TMEM196: variants seen among roughly 807,000 people sequenced by gnomAD.
The protein encoded by TMEM196 is transmembrane protein 196.
Under a neutral mutation model 20.0 loss-of-function variants are expected in TMEM196, and 17 were observed. The ratio of observed to expected loss-of-function variants is 0.85; its 90% CI spans 0.58 to 1.27. TMEM196 has a LOEUF of 1.27. TMEM196 is among the 50% of genes most tolerant of loss of function. The pLI is 0.00. For synonymous variants in TMEM196, 113 were observed against 88.9 expected (o/e 1.27, Z -1.52); for missense variants, 267 against 223.0 (o/e 1.20, Z -1.26).
intron 1 of TMEM196, among the ~76,000 whole-genome samples, chr7:19,738,893 T>A (rs532903783): frequency 2.0e-4 from 30 of 152,114 alleles, no homozygotes; most frequent in Non-Finnish European, 3.5e-4. Context: ...ACTATCTAAG[T>A]GTGAGCCACA....
At chr7:19,764,149 A>AAATTT (rs1248728065) in intron 1 of TMEM196, among the ~76,000 whole-genome samples, 1 of 152,224 alleles carries the variant, frequency 6.6e-6, no homozygotes, top group East Asian at 1.9e-4. Flanking sequence ...TTGTGATGGT[A>AAATTT]AATTTAATTT....
chr7:19,722,055 TC>T lies in TMEM196; in HGVS notation c.*72del. The T allele has an allele frequency of 6.2e-7, 1 of 1,603,180 alleles. No individual in the cohort carries two copies. Among genetic ancestry groups the T allele is most frequent in the Non-Finnish European group, 8.5e-7 (1 of 1,173,194 alleles). On this transcript the variant is annotated 3_prime_UTR_variant, in exon 5 of 5. Transcript: ENST00000405844. Reference sequence around the variant, plus strand: ...GCCTCATGAAAATCCTAAAAAGTGTTCAATTCTTTAAAACATTGATTACACT... The same window carrying T: ...GCCTCATGAAAATCCTAAAAAGTGTTAATTCTTTAAAACATTGATTACACT...
chr7:19,736,066 C>G (rs1784389458), intron 1 of TMEM196, among the ~76,000 whole-genome samples: 1 of 151,832 alleles, frequency 6.6e-6, no homozygotes, highest in African/African-American at 2.4e-5. Context: ...ATGTATTTAT[C>G]CTGTACCTGG....
chr7:19,733,653 C>A (rs1430856533), intron 1 of TMEM196, among the ~76,000 whole-genome samples: 4 of 86,822 alleles, frequency 4.6e-5, no homozygotes, highest in Non-Finnish European at 7.6e-5. Context: ...AGTAGAAGAT[C>A]CTTTTTTAAA....
chr7:19,751,372 C>T (rs1338625287), intron 1 of TMEM196, among the ~76,000 whole-genome samples: 1 of 152,198 alleles, frequency 6.6e-6, no homozygotes, highest in Non-Finnish European at 1.5e-5. Context: ...AAAACCAGCA[C>T]TGCTCTTTAG....
chr7:19,729,485 G>A (rs776346219), intron 1 of TMEM196, 47 bp from the exon 2 acceptor site: 168 of 1,525,152 alleles, frequency 1.1e-4, no homozygotes, highest in Non-Finnish European at 1.4e-4. Context: ...AAGACACGAG[G>A]ACCCCTAGAT....
chr7:19,744,233 A>C (rs971850357), intron 1 of TMEM196, among the ~76,000 whole-genome samples: 6 of 152,004 alleles, frequency 3.9e-5, no homozygotes, highest in African/African-American at 1.4e-4. Context: ...AATAATTTTA[A>C]CTCTTTTTCT....
At position 19,721,210 on chromosome 7, in the gene TMEM196, G is replaced by C. The variant is rs1257889552; in HGVS notation, c.*918C>G. 6.6e-6 allele frequency: 1 copy of C among 151,842 alleles called. No individual in the cohort carries two copies. Among genetic ancestry groups the C allele is most frequent in the African/African-American group, 2.4e-5 (1 of 41,414 alleles). 9.4% of individuals were successfully genotyped at this position (151,842 alleles called of 1,614,324 possible). A position where few individuals can be genotyped will look rare whatever the true frequency, so the allele number is the denominator to read the frequency against. ...TTTTGTGGGCATAGAAGGGCCTTGA[G>C]CAATTGCCTTCCCATTTCTATTGGA... On this transcript the variant is annotated 3_prime_UTR_variant, in exon 5 of 5. Coordinates refer to ENST00000405844, the MANE Select transcript of TMEM196 (RefSeq NM_001363562.2).
intron 1 of TMEM196, among the ~76,000 whole-genome samples, chr7:19,730,829 A>G (rs1308754837): frequency 6.6e-6 from 1 of 152,212 alleles, no homozygotes; most frequent in Non-Finnish European, 1.5e-5. Flanking sequence ...GGGCAGCAAG[A>G]AGAAATAGGG....
intron 1 of TMEM196, among the ~76,000 whole-genome samples, chr7:19,762,548 G>C (rs916974118): frequency 6.6e-6 from 1 of 152,000 alleles, no homozygotes; most frequent in Non-Finnish European, 1.5e-5. Flanking sequence ...ATTAATGTAG[G>C]TTATTCCAAT....
At chr7:19,729,586 C>T in intron 1 of TMEM196, 148 bp from the exon 2 acceptor site, 1 of 697,398 alleles carries the variant, frequency 1.4e-6, no homozygotes, top group Non-Finnish European at 2.3e-6. Context: ...AGATCTCATT[C>T]TAGAATAGTA....
intron 1 of TMEM196, among the ~76,000 whole-genome samples, chr7:19,764,499 C>A (rs140799682): frequency 6.6e-6 from 1 of 152,146 alleles, no homozygotes; most frequent in African/African-American, 2.4e-5. Flanking sequence ...TTTACCTCTT[C>A]TCCATGACTT....
rs1311837983 is a variant in TMEM196, at chr7:19,724,345, C to T, written c.468G>A (p.Arg156=). The change falls in exon 4 of 5, where the codon AGG becomes AGA. Residue 156 remains arginine, a synonymous_variant. Coordinates refer to ENST00000405844, the MANE Select transcript of TMEM196 (RefSeq NM_001363562.2). The stretch of plus-strand genomic sequence containing the variant: ...TGGGCAAGTCGGTTATTTCAATAGC[C>T]CTCAATCTCTAATGTAAATATAACA... The part of the protein sequence containing the change: ...HSHEMAEKRL[R]AIEITDLPSC... 2 of 1,550,006 alleles carry T rather than the reference C, an allele frequency of 1.3e-6. No individual in the cohort carries two copies. The highest frequency in any genetic ancestry group is 1.7e-6 in the Non-Finnish European group (2 of 1,146,698).
chr7:19,739,089 C>T (rs141614238), intron 1 of TMEM196, among the ~76,000 whole-genome samples: 8 of 152,150 alleles, frequency 5.3e-5, no homozygotes, highest in African/African-American at 1.7e-4. Context: ...CCCACTATTA[C>T]CACTTGTGTT....
chr7:19,771,149 A>G (rs2128041959), intron 1 of TMEM196, among the ~76,000 whole-genome samples: 1 of 152,306 alleles, frequency 6.6e-6, no homozygotes, highest in Middle Eastern at 3.4e-3. Flanking sequence ...CCAAATAATT[A>G]CTGCCACATA....
At chr7:19,757,581 T>C (rs1785270638) in intron 1 of TMEM196, among the ~76,000 whole-genome samples, 1 of 151,950 alleles carries the variant, frequency 6.6e-6, no homozygotes, top group South Asian at 2.1e-4. Flanking sequence ...TCATGTCCCC[T>C]CTAAAAGACT....
Position 19,772,689 on chromosome 7 carries a change from G to C in TMEM196, c.8C>G (p.Thr3Ser), listed in dbSNP as rs900057511. Residue 3 changes from threonine to serine, a missense_variant, in exon 1 of 5, where the codon ACC becomes AGC. Physicochemically the swap from Thr to Ser is moderately conservative, Grantham distance 58. Transcript: ENST00000405844. ...GAGGCTCCCAATAATCTGACCGCTG[G>C]TGCACATCCTTCCTCGGTCATCTTC... MC[T>S]SGQIIGSLLV... 2.2e-5 allele frequency: 34 copies of C among 1,512,438 alleles called. No individual in the cohort carries two copies. Among genetic ancestry groups the C allele is most frequent in the Non-Finnish European group, 2.9e-5 (33 of 1,124,706 alleles). The allele number at this position is 1,512,438 out of a possible 1,614,324, so 93.7% of individuals were successfully genotyped here. A position where few individuals can be genotyped will look rare whatever the true frequency, so the allele number is the denominator to read the frequency against.
intron 1 of TMEM196, among the ~76,000 whole-genome samples, chr7:19,740,043 G>A (rs1390980928): frequency 2.0e-5 from 3 of 152,112 alleles, no homozygotes; most frequent in Non-Finnish European, 4.4e-5. Context: ...AGCTGCAAGT[G>A]TACAAACTGA....
In TMEM196 at chr7:19,751,874, C is replaced by T. The variant is rs535431853; in HGVS notation, c.147+20676G>A. On this transcript the variant is annotated intron_variant, in intron 1 of 4. Coordinates refer to ENST00000405844, the MANE Select transcript of TMEM196 (RefSeq NM_001363562.2). ...GGAGGCAGATTTTCCTACATCACAC[C>T]AATATATATACTCAGGGATTTGAGT... 1.9e-4 allele frequency among the ~76,000 whole-genome samples: 29 copies of T among 152,170 alleles called. 1 individual carries two copies. In the South Asian group the frequency reaches 5.8e-3, roughly 31 times the overall value.
Sources: gnomAD v4.1 joint callset for allele counts (sites outside exome capture counted in the v4.1 genomes callset) on GRCh38, gnomAD v4.1.1 for gene constraint, MANE v1.5 for transcripts, NCBI Gene and HGNC (gene_info 2026-07-23, HGNC 2026-07-21) for gene names.